Variants in ZFAND3 observed in about 807,000 individuals in gnomAD.
The protein encoded by ZFAND3 is AN1-type zinc finger protein 3.
In ZFAND3, 10 loss-of-function variants were observed where a neutral mutation model predicts 29.6. The observed-to-expected ratio is 0.34, with a 90% CI of 0.21 to 0.57. The LOEUF is 0.57. ZFAND3 is among the 20% of genes least tolerant of loss of function. ZFAND3 has a pLI of 0.86. For missense variants in ZFAND3, 230 were observed against 304.5 expected (o/e 0.76, Z 1.82); for synonymous variants, 128 against 112.6 (o/e 1.14, Z -0.87).
chr6:37,912,127 T>C (rs1458356908), intron 1 of ZFAND3, among the ~76,000 whole-genome samples: 1 of 150,594 alleles, frequency 6.6e-6, no homozygotes, highest in African/African-American at 2.4e-5. Flanking sequence ...GCTAAGAAGA[T>C]AGACTGACCT....
chr6:37,896,577 TC>T (rs1325346383), intron 1 of ZFAND3, among the ~76,000 whole-genome samples: 10 of 135,086 alleles, frequency 7.4e-5, no homozygotes, highest in African/African-American at 2.3e-4. Flanking sequence ...TTTCTCTCTT[TC>T]TCTCTCTTTC....
chr6:38,145,648 T>A (rs1766089882), intron 5 of ZFAND3, among the ~76,000 whole-genome samples: 1 of 152,186 alleles, frequency 6.6e-6, no homozygotes, highest in African/African-American at 2.4e-5. Flanking sequence ...GATCTGCACA[T>A]CAGATCTTTA....
At chr6:38,012,375 GTA>G (rs1267775459) in intron 2 of ZFAND3, among the ~76,000 whole-genome samples, 1 of 140,030 alleles carries the variant, frequency 7.1e-6, no homozygotes, top group African/African-American at 2.6e-5. Context: ...CTTTTTGATA[GTA>G]TTTTTTTTTT....
chr6:38,131,772 G>A (rs1296854881), intron 5 of ZFAND3, among the ~76,000 whole-genome samples: 1 of 152,192 alleles, frequency 6.6e-6, no homozygotes, highest in Non-Finnish European at 1.5e-5. Context: ...CCCAGTCAGT[G>A]GTGACTAATA....
chr6:38,065,531 C>T (rs1054987685), intron 3 of ZFAND3, among the ~76,000 whole-genome samples: 2 of 152,178 alleles, frequency 1.3e-5, no homozygotes, highest in African/African-American at 4.8e-5. Flanking sequence ...AGACATTCTT[C>T]AAAGTTCTTT....
intron 1 of ZFAND3, among the ~76,000 whole-genome samples, chr6:37,843,831 TAAAAAA>T (rs370695472): frequency 7.1e-6 from 1 of 140,180 alleles, no homozygotes; most frequent in Non-Finnish European, 1.6e-5. Context: ...TTGTAGTTTC[TAAAAAA>T]AAAAAAAGCT....
intron 1 of ZFAND3, among the ~76,000 whole-genome samples, chr6:37,870,539 C>G (rs1241806941): frequency 4.2e-5 from 6 of 142,774 alleles, no homozygotes; most frequent in African/African-American, 1.3e-4. Context: ...GTGGAGGTTG[C>G]AGTGAGCCAA....
chr6:37,870,600 G>GAAAA lies in ZFAND3; in HGVS notation c.71+50599_71+50602dup, dbSNP rs35350059. Among the ~76,000 whole-genome samples, 86 of 112,050 alleles carry GAAAA rather than the reference G, an allele frequency of 7.7e-4. 1 individual carries two copies. The highest frequency in any genetic ancestry group is 2.6e-3 in the African/African-American group (75 of 28,720). The allele number at this position is 112,050 out of a possible 152,430, so 73.5% of individuals were successfully genotyped here. On this transcript the variant is annotated intron_variant, in intron 1 of 5. Transcript: ENST00000287218. ...GGCGACAGAGCAAGGCTCTGTCTCA[G>GAAAA]AAAAAAAAAAAAAAAAAAGAGCACT... is the stretch of plus-strand genomic sequence containing the variant.
chr6:37,849,690 G>A (rs901327329), intron 1 of ZFAND3, among the ~76,000 whole-genome samples: 1 of 152,180 alleles, frequency 6.6e-6, no homozygotes, highest in Non-Finnish European at 1.5e-5. Flanking sequence ...GATTACAGGC[G>A]TGAGCCACAG....
At chr6:37,965,318 C>T (rs1004627106) in intron 2 of ZFAND3, among the ~76,000 whole-genome samples, 4 of 152,160 alleles carry the variant, frequency 2.6e-5, no homozygotes, top group Non-Finnish European at 5.9e-5. Context: ...TCCAGACCGG[C>T]ACTGATCTGT....
chr6:38,056,468 G>A (rs768836319), intron 2 of ZFAND3, among the ~76,000 whole-genome samples: 68 of 152,306 alleles, frequency 4.5e-4, no homozygotes, highest in Non-Finnish European at 8.7e-4. Flanking sequence ...TAAGCATCTT[G>A]CCAAATCAGC....
chr6:38,094,702 A>G (rs1483537625), intron 4 of ZFAND3, among the ~76,000 whole-genome samples: 3 of 152,184 alleles, frequency 2.0e-5, no homozygotes, highest in Non-Finnish European at 1.5e-5. Context: ...CTTAATGAGG[A>G]TATTAATACA....
At chr6:37,853,412 GAAA>G (rs56738009) in intron 1 of ZFAND3, among the ~76,000 whole-genome samples, 6 of 65,882 alleles carry the variant, frequency 9.1e-5, no homozygotes, top group Non-Finnish European at 1.7e-4. Flanking sequence ...TGAGCCTCAA[GAAA>G]AAAAAAAAAA....
At chr6:38,106,610 C>T (rs1020530811) in intron 4 of ZFAND3, among the ~76,000 whole-genome samples, 10 of 152,182 alleles carry the variant, frequency 6.6e-5, no homozygotes, top group African/African-American at 2.4e-4. Flanking sequence ...ACCCCATCCC[C>T]CAGAGTTTAT....
chr6:37,972,769 G>A (rs1170007599), intron 2 of ZFAND3, among the ~76,000 whole-genome samples: 3 of 151,594 alleles, frequency 2.0e-5, no homozygotes, highest in African/African-American at 7.3e-5. Context: ...GGGTGGGTGA[G>A]TGATAGATAA....
chr6:37,854,392 G>A (rs1006809103), intron 1 of ZFAND3, among the ~76,000 whole-genome samples: 3 of 152,202 alleles, frequency 2.0e-5, no homozygotes, highest in African/African-American at 4.8e-5. Flanking sequence ...AATTTCACAT[G>A]TTTTGGACAT....
intron 5 of ZFAND3, among the ~76,000 whole-genome samples, chr6:38,133,200 A>T (rs913641158): frequency 3.9e-5 from 6 of 152,218 alleles, no homozygotes; most frequent in African/African-American, 1.4e-4. Context: ...GTCTCAGAGC[A>T]TATTGAAATT....
chr6:37,848,340 A>T (rs901635752), intron 1 of ZFAND3, among the ~76,000 whole-genome samples: 1 of 152,256 alleles, frequency 6.6e-6, no homozygotes, highest in Non-Finnish European at 1.5e-5. Flanking sequence ...TCCAAACTGG[A>T]CAGATTGAGG....
chr6:37,950,571 G>T (rs1480417599), intron 2 of ZFAND3, among the ~76,000 whole-genome samples: 1 of 151,814 alleles, frequency 6.6e-6, no homozygotes, highest in East Asian at 1.9e-4. Flanking sequence ...TGGAGATGGG[G>T]TTTCACCATC....
Sources: allele counts gnomAD v4.1 joint callset (sites outside exome capture counted in the v4.1 genomes callset), GRCh38; gene constraint gnomAD v4.1.1; transcripts MANE v1.5; gene names NCBI Gene and HGNC (gene_info 2026-07-23, HGNC 2026-07-21).